The following ARMH3 variants were observed in gnomAD, a reference collection of about 807,000 sequenced individuals.
The protein encoded by ARMH3 is armadillo like helical domain containing 3, also known as armadillo-like helical domain-containing protein 3.
A neutral mutation model predicts 99.1 loss-of-function variants in ARMH3; 60 were observed. That is an observed-to-expected ratio of 0.61 (90% CI 0.49 to 0.75). ARMH3 has a LOEUF of 0.75. Ranked by LOEUF, ARMH3 falls within the 30% of genes least tolerant of loss-of-function variation. The pLI, the probability that ARMH3 is intolerant of heterozygous loss-of-function variation, is 0.00. For synonymous variants in ARMH3, 285 were observed against 292.8 expected (o/e 0.97, Z 0.27); for missense variants, 679 against 843.1 (o/e 0.81, Z 2.41).
At chr10:101,989,428 T>C (rs924944179) in intron 19 of ARMH3, among the ~76,000 whole-genome samples, 1 of 151,918 alleles carries the variant, frequency 6.6e-6, no homozygotes, top group Non-Finnish European at 1.5e-5. Flanking sequence ...TTATAAAGAA[T>C]TGTGATGGTC....
intron 24 of ARMH3, among the ~76,000 whole-genome samples, chr10:101,850,709 G>A (rs2066580350): frequency 6.6e-6 from 1 of 152,162 alleles, no homozygotes; most frequent in Admixed American, 6.5e-5. Context: ...ACAGGCGTGA[G>A]CCACTGCACC....
Position 101,990,417 on chromosome 10 carries a change from C to T in ARMH3, c.1406+134G>A, listed in dbSNP as rs572893639. 137 of 587,826 alleles carry T rather than the reference C, an allele frequency of 2.3e-4. 2 individuals carry two copies. In the South Asian group the frequency reaches 3.2e-3, roughly 14 times the overall value. The allele number at this position is 587,826 out of a possible 1,614,324, so 36.4% of individuals were successfully genotyped here. ...CGATCTCCTGACCTTGTGATCCGCC[C>T]GCCTCGGCCTCCCAAGGTGCTGGTA... On this transcript the variant is annotated intron_variant, in intron 19 of 25. Transcript: ENST00000370033.
At chr10:101,853,896 C>T (rs769329328) in intron 24 of ARMH3, among the ~76,000 whole-genome samples, 31 of 152,094 alleles carry the variant, frequency 2.0e-4, no homozygotes, top group Admixed American at 2.6e-4. Flanking sequence ...GGATGGATCG[C>T]GAGGTTAAGA....
At chr10:101,923,377 A>T (rs1215058825) in intron 23 of ARMH3, among the ~76,000 whole-genome samples, 1 of 152,238 alleles carries the variant, frequency 6.6e-6, no homozygotes, top group Non-Finnish European at 1.5e-5. Flanking sequence ...TTACCATGTC[A>T]TTAATTGCCT....
chr10:102,006,923 T>A (rs1030000379), intron 13 of ARMH3, among the ~76,000 whole-genome samples: 2 of 151,742 alleles, frequency 1.3e-5, no homozygotes, highest in African/African-American at 4.8e-5. Flanking sequence ...TCCCAGCACT[T>A]AGGGAGGCCT....
intron 19 of ARMH3, among the ~76,000 whole-genome samples, chr10:101,985,276 G>GTATATACA (rs1295744068): frequency 5.6e-5 from 8 of 142,656 alleles, no homozygotes; most frequent in African/African-American, 2.1e-4. Context: ...ATACGTATGT[G>GTATATACA]TATATACGTA....
chr10:101,990,392 C>T (rs1347840664), intron 19 of ARMH3, among the ~76,000 whole-genome samples, 159 bp downstream of exon 19: 1 of 152,014 alleles, frequency 6.6e-6, no homozygotes, highest in Non-Finnish European at 1.5e-5. Context: ...ACCGTGGTCT[C>T]GATCTCCTGA....
chr10:102,028,169 G>A (rs954885296), intron 5 of ARMH3, among the ~76,000 whole-genome samples: 1 of 152,134 alleles, frequency 6.6e-6, no homozygotes, highest in African/African-American at 2.4e-5. Flanking sequence ...ATGGAAAAAT[G>A]GTTTGGTAGT....
chr10:101,927,930 C>T (rs921537768), intron 23 of ARMH3, among the ~76,000 whole-genome samples: 5 of 152,090 alleles, frequency 3.3e-5, no homozygotes, highest in East Asian at 1.9e-4. Flanking sequence ...AAAAACTAGC[C>T]GGGTGTGGTG....
At chr10:101,874,564 A>C (rs547574866) in intron 24 of ARMH3, among the ~76,000 whole-genome samples, 22 of 152,226 alleles carry the variant, frequency 1.4e-4, no homozygotes, top group Non-Finnish European at 3.1e-4. Context: ...TCAGCTGGGG[A>C]CTAGCTACAG....
intron 2 of ARMH3, among the ~76,000 whole-genome samples, chr10:102,034,602 C>T (rs1025357265): frequency 6.6e-6 from 1 of 151,006 alleles, no homozygotes; most frequent in Non-Finnish European, 1.5e-5. Flanking sequence ...CACTGCTGCA[C>T]TCCAGCCTGG....
intron 8 of ARMH3, among the ~76,000 whole-genome samples, chr10:102,018,226 C>T (rs139146281): frequency 3.9e-5 from 6 of 152,280 alleles, no homozygotes; most frequent in African/African-American, 1.4e-4. Flanking sequence ...TGTATTCTGC[C>T]TTTTGAAGGG....
At chr10:102,006,477 A>G in intron 14 of ARMH3, 63 bp downstream of exon 14, 1 of 1,538,716 alleles carries the variant, frequency 6.5e-7, no homozygotes, top group Non-Finnish European at 9.0e-7. Context: ...GAACACAGCT[A>G]TGCTCACTCT....
At position 101,931,092 on chromosome 10, in the gene ARMH3, G is replaced by C. The variant is rs563037535; in HGVS notation, c.1781+8771C>G. Among the ~76,000 whole-genome samples, 5 of 152,192 alleles carry C rather than the reference G, an allele frequency of 3.3e-5. No individual in the cohort carries two copies. The South Asian group carries it at 1.0e-3, about 32-fold the overall frequency. On this transcript the variant is annotated intron_variant, in intron 23 of 25. Transcript: ENST00000370033. ...ATTATGCTATCTCTTAAACAGCAGA[G>C]GAATGAGCAAACCTAAGAAACAAAA...
intron 23 of ARMH3, among the ~76,000 whole-genome samples, chr10:101,931,039 C>T (rs746852809): frequency 6.6e-6 from 1 of 152,190 alleles, no homozygotes; most frequent in Non-Finnish European, 1.5e-5. Flanking sequence ...GACAACCTGA[C>T]TCTAGAGTCC....
intron 14 of ARMH3, among the ~76,000 whole-genome samples, chr10:102,005,152 G>A (rs768536591): frequency 2.0e-5 from 3 of 151,926 alleles, no homozygotes; most frequent in Admixed American, 6.6e-5. Flanking sequence ...AGCTGAGATC[G>A]CACCCCTGCA....
chr10:102,034,604 C>T (rs2067205905), intron 2 of ARMH3, among the ~76,000 whole-genome samples: 1 of 151,330 alleles, frequency 6.6e-6, no homozygotes, highest in African/African-American at 2.4e-5. Flanking sequence ...CTGCTGCACT[C>T]CAGCCTGGGC....
chr10:101,957,606 T>C, intron 21 of ARMH3, 44 bp downstream of exon 21: 1 of 1,565,510 alleles, frequency 6.4e-7, no homozygotes, highest in Non-Finnish European at 8.6e-7. Flanking sequence ...ATTTCTGCCT[T>C]AGCATATGGC....
At chr10:101,901,955 A>G (rs1177639623) in intron 23 of ARMH3, among the ~76,000 whole-genome samples, 1 of 152,240 alleles carries the variant, frequency 6.6e-6, no homozygotes, top group East Asian at 1.9e-4. Flanking sequence ...ACTAGGGAAC[A>G]TCGCTTTTCT....
Sources: gnomAD v4.1 joint callset for allele counts (sites outside exome capture counted in the v4.1 genomes callset) on GRCh38, gnomAD v4.1.1 for gene constraint, MANE v1.5 for transcripts, NCBI Gene and HGNC (gene_info 2026-07-23, HGNC 2026-07-21) for gene names.